The following PDZD2 variants were observed in gnomAD, a reference collection of about 807,000 sequenced individuals.
PDZD2 encodes PDZ domain-containing protein 2.
PDZD2 carries 90 observed loss-of-function variants against 220.7 expected under a neutral mutation model. The observed-to-expected ratio is 0.41, with a 90% CI of 0.34 to 0.49. PDZD2 has a LOEUF of 0.49. Among genes scored for constraint, PDZD2 ranks in the 20% least tolerant of loss-of-function variants. PDZD2 has a pLI of 0.28. For missense variants in PDZD2, 3,174 were observed against 3,608.5 expected, an observed-to-expected ratio of 0.88 and a Z score of 3.08; for synonymous variants, 1,375 against 1,450.5, an observed-to-expected ratio of 0.95 and a Z score of 1.18.
intron 2 of PDZD2, among the ~76,000 whole-genome samples, chr5:31,850,634 CTTTTTTT>C: frequency 8.5e-6 from 1 of 118,330 alleles, no homozygotes; most frequent in East Asian, 2.6e-4. Flanking sequence ...TACCCAAATT[CTTTTTTT>C]TTTTTTTTTT....
chr5:31,841,304 C>A (rs1419339285), intron 2 of PDZD2, among the ~76,000 whole-genome samples: 1 of 152,172 alleles, frequency 6.6e-6, no homozygotes, highest in Admixed American at 6.6e-5. Context: ...CTGATTCTAC[C>A]ACTTACCAAA....
chr5:31,790,628 T>C (rs537813738), intron 1 of PDZD2, among the ~76,000 whole-genome samples: 4 of 151,878 alleles, frequency 2.6e-5, no homozygotes, highest in African/African-American at 7.2e-5. Context: ...TGTGTGTTTC[T>C]GGTCAATTCC....
chr5:31,691,324 T>TA, intron 1 of PDZD2, among the ~76,000 whole-genome samples: 1 of 152,160 alleles, frequency 6.6e-6, no homozygotes, highest in Non-Finnish European at 1.5e-5. Context: ...CGGTGAGTGT[T>TA]ACAGCTCATA....
rs775569104 is a variant in PDZD2, at chr5:32,020,042, T to TAC, written c.1407+9566_1407+9567dup. On this transcript the variant is annotated intron_variant, in intron 6 of 24. Transcript: ENST00000438447. ...AAATGTAAAGTAGAATATATATATA[T>TAC]ACACACATATATATATATTTTTTTA... Among the ~76,000 whole-genome samples, 332 of 150,050 alleles carry TAC rather than the reference T, an allele frequency of 2.2e-3. 1 individual carries two copies. The highest frequency in any genetic ancestry group is 4.1e-3 in the Non-Finnish European group (278 of 67,610).
intron 2 of PDZD2, among the ~76,000 whole-genome samples, chr5:31,883,011 C>T (rs1221064464): frequency 1.9e-5 from 2 of 105,578 alleles, no homozygotes; most frequent in African/African-American, 8.2e-5. Flanking sequence ...TCCTGGGTGA[C>T]AGACTCTGTC....
chr5:31,863,533 CTTGTT>C (rs1298581441), intron 2 of PDZD2, among the ~76,000 whole-genome samples: 1 of 152,126 alleles, frequency 6.6e-6, no homozygotes. Flanking sequence ...CTCTGAGATG[CTTGTT>C]TTAATTGCCA....
intron 6 of PDZD2, among the ~76,000 whole-genome samples, chr5:32,013,566 G>A (rs1475739767): frequency 6.6e-6 from 1 of 152,146 alleles, no homozygotes; most frequent in African/African-American, 2.4e-5. Context: ...GATTTGGGAA[G>A]CTTTGTGTTG....
intron 2 of PDZD2, among the ~76,000 whole-genome samples, chr5:31,817,522 A>G (rs905541998): frequency 6.6e-6 from 1 of 152,148 alleles, no homozygotes; most frequent in Non-Finnish European, 1.5e-5. Context: ...CCCATTTGTT[A>G]TGAAATTACT....
chr5:31,930,599 A>G (rs185640460), intron 2 of PDZD2, among the ~76,000 whole-genome samples: 253 of 152,264 alleles, frequency 1.7e-3, no homozygotes, highest in African/African-American at 5.5e-3. Context: ...TCCTTTGGAC[A>G]ACGAGAAATT....
At chr5:31,760,870 C>T (rs1463167110) in intron 1 of PDZD2, among the ~76,000 whole-genome samples, 4 of 151,986 alleles carry the variant, frequency 2.6e-5, no homozygotes, top group African/African-American at 7.2e-5. Context: ...TGCAGTGACC[C>T]GAGATCACGC....
intron 2 of PDZD2, among the ~76,000 whole-genome samples, chr5:31,855,694 G>A (rs1758388442): frequency 1.3e-5 from 2 of 152,230 alleles, no homozygotes; most frequent in African/African-American, 4.8e-5. Context: ...AGTCGTGATG[G>A]CATTTGGAGA....
At chr5:32,105,234 G>A (rs1744653858) in intron 24 of PDZD2, among the ~76,000 whole-genome samples, 1 of 152,128 alleles carries the variant, frequency 6.6e-6, no homozygotes, top group African/African-American at 2.4e-5. Flanking sequence ...GGTAAAGAAA[G>A]CAATAGCAAA....
intron 20 of PDZD2, among the ~76,000 whole-genome samples, chr5:32,092,433 G>A (rs75649080): frequency 7.3e-5 from 11 of 150,550 alleles, no homozygotes; most frequent in Admixed American, 3.3e-4. Flanking sequence ...TTAGCCAGGC[G>A]TGGTGGCAGG....
intron 1 of PDZD2, among the ~76,000 whole-genome samples, chr5:31,663,702 T>C (rs897862401): frequency 3.3e-5 from 5 of 152,210 alleles, no homozygotes; most frequent in South Asian, 2.1e-4. Context: ...TCCAATTTTC[T>C]TTTGCGGTAT....
chr5:31,927,408 A>AGG (rs1263310049), intron 2 of PDZD2, among the ~76,000 whole-genome samples: 1 of 152,018 alleles, frequency 6.6e-6, no homozygotes, highest in Non-Finnish European at 1.5e-5. Flanking sequence ...TGTTTGAGAC[A>AGG]GTGTCTCACT....
intron 5 of PDZD2, among the ~76,000 whole-genome samples, chr5:32,007,974 A>T (rs1037731137): frequency 6.6e-6 from 1 of 152,062 alleles, no homozygotes; most frequent in Non-Finnish European, 1.5e-5. Flanking sequence ...TGTGTTGGCG[A>T]TGCCCCTTCA....
intron 2 of PDZD2, among the ~76,000 whole-genome samples, chr5:31,930,872 G>C (rs188733580): frequency 1.8e-3 from 276 of 152,250 alleles, no homozygotes; most frequent in Middle Eastern, 6.8e-3. Context: ...GAGTGAGAGA[G>C]ACTGAAGAAG....
chr5:31,791,961 T>C (rs1753755954), intron 1 of PDZD2, among the ~76,000 whole-genome samples: 1 of 152,216 alleles, frequency 6.6e-6, no homozygotes, highest in Non-Finnish European at 1.5e-5. Flanking sequence ...CACAGGGGTT[T>C]ATTTTTCCTC....
chr5:31,858,384 A>G (rs7726938), intron 2 of PDZD2, among the ~76,000 whole-genome samples: 1 of 152,222 alleles, frequency 6.6e-6, no homozygotes, highest in Non-Finnish European at 1.5e-5. Context: ...CTTTGCAAAA[A>G]TTAGTACAGC....
Sources: gnomAD v4.1 joint callset for allele counts (sites outside exome capture counted in the v4.1 genomes callset) on GRCh38, gnomAD v4.1.1 for gene constraint, MANE v1.5 for transcripts, NCBI Gene and HGNC (gene_info 2026-07-23, HGNC 2026-07-21) for gene names.